CCDC68: variants seen among roughly 807,000 people sequenced by gnomAD.
CCDC68 encodes coiled-coil domain-containing protein 68.
CCDC68 carries 45 observed loss-of-function variants against 47.1 expected under a neutral mutation model. That is an observed-to-expected ratio of 0.96 (90% CI 0.75 to 1.23). The LOEUF is 1.23. Among genes scored for constraint, CCDC68 ranks in the 50% most tolerant of loss-of-function variants. CCDC68 has a pLI of 0.00. For missense variants in CCDC68, 353 were observed against 373.6 expected, an observed-to-expected ratio of 0.94 and a Z score of 0.45; for synonymous variants, 131 against 129.5, an observed-to-expected ratio of 1.01 and a Z score of -0.08.
chr18:54,952,649 C>G (rs1432054152), intron 1 of CCDC68, among the ~76,000 whole-genome samples: 1 of 152,180 alleles, frequency 6.6e-6, no homozygotes, highest in Non-Finnish European at 1.5e-5. Context: ...AACCTGCACA[C>G]AAATGTTCAT....
At chr18:54,958,774 A>G (rs2044754451) in intron 1 of CCDC68, among the ~76,000 whole-genome samples, 2 of 152,168 alleles carry the variant, frequency 1.3e-5, no homozygotes, top group African/African-American at 4.8e-5. Context: ...TTCCACATCT[A>G]AAATATCATG....
rs1913810840 is a variant in CCDC68, at chr18:54,903,670, A to G, written c.*688T>C. Reference sequence around the variant, plus strand: ...TTTGTGTGTACAGGTTACCTCTAGAAACCAATTTTTAATCCCAGAACTAAG... The same window carrying G: ...TTTGTGTGTACAGGTTACCTCTAGAGACCAATTTTTAATCCCAGAACTAAG... On this transcript the variant is annotated 3_prime_UTR_variant, in exon 12 of 12. Transcript: ENST00000591504. 2 of 152,200 alleles carry G rather than the reference A, an allele frequency of 1.3e-5. No individual in the cohort carries two copies. Among genetic ancestry groups the G allele is most frequent in the African/African-American group, 4.8e-5 (2 of 41,454 alleles). 9.4% of individuals were successfully genotyped at this position (152,200 alleles called of 1,614,324 possible).
At chr18:54,958,504 T>C (rs2044750160) in intron 1 of CCDC68, among the ~76,000 whole-genome samples, 1 of 152,164 alleles carries the variant, frequency 6.6e-6, no homozygotes, top group Non-Finnish European at 1.5e-5. Flanking sequence ...ATCCGAACTA[T>C]ATACACCAAG....
chr18:54,911,206 G>A (rs1914344579), intron 10 of CCDC68, among the ~76,000 whole-genome samples: 1 of 131,438 alleles, frequency 7.6e-6, no homozygotes, highest in South Asian at 2.7e-4. Context: ...TGCTACCACA[G>A]CTGGCCATTT....
Position 54,902,189 on chromosome 18 carries a change from T to G in CCDC68, c.*2169A>C, listed in dbSNP as rs1913725384. 6.6e-6 allele frequency: 1 copy of G among 152,222 alleles called. No homozygotes were observed. The highest frequency in any genetic ancestry group is 2.4e-5 in the African/African-American group (1 of 41,460). The allele number at this position is 152,222 out of a possible 1,614,324, so 9.4% of individuals were successfully genotyped here. A position where few individuals can be genotyped will look rare whatever the true frequency, so the allele number is the denominator to read the frequency against. ...CATAATTTCCTCACTGTTATCATTT[T>G]TGCATAGGTGGTTTCACCACTGTAT... On this transcript the variant is annotated 3_prime_UTR_variant, in exon 12 of 12. Transcript: ENST00000591504.
chr18:54,951,169 A>G (rs2044614071), intron 1 of CCDC68, among the ~76,000 whole-genome samples: 1 of 151,772 alleles, frequency 6.6e-6, no homozygotes, highest in Non-Finnish European at 1.5e-5. Context: ...CGGCCTCCCA[A>G]AGTGCTGGGA....
intron 1 of CCDC68, among the ~76,000 whole-genome samples, chr18:54,946,824 G>C (rs191139146): frequency 3.1e-4 from 44 of 142,248 alleles, no homozygotes; most frequent in African/African-American, 1.2e-3. Flanking sequence ...CTAGAGATAG[G>C]AAAATGAGTT....
chr18:54,912,684 G>A (rs1398358760), intron 10 of CCDC68, among the ~76,000 whole-genome samples: 3 of 152,042 alleles, frequency 2.0e-5, no homozygotes, highest in Non-Finnish European at 4.4e-5. Context: ...AGTCTGTACT[G>A]ACGCTGCTAA....
intron 5 of CCDC68, chr18:54,937,279 C>T: frequency 4.6e-6 from 1 of 216,194 alleles, no homozygotes; most frequent in Non-Finnish European, 9.1e-6. Context: ...CACTTATTTG[C>T]AAGCCTTTTA....
chr18:54,908,765 C>G (rs1405644206), intron 10 of CCDC68, among the ~76,000 whole-genome samples: 4 of 152,114 alleles, frequency 2.6e-5, no homozygotes, highest in Non-Finnish European at 4.4e-5. Context: ...GTCACCCAGG[C>G]TGGATACAGT....
At position 54,936,885 on chromosome 18, in the gene CCDC68, G is replaced by A. The variant is rs145708086; in HGVS notation, c.419C>T (p.Thr140Met). The change falls in exon 6 of 12, where the codon ACG becomes ATG. Residue 140 changes from threonine to methionine, a missense_variant. Coordinates refer to ENST00000591504, the MANE Select transcript of CCDC68 (RefSeq NM_025214.3). ...CTTCTTTCTCACTTCTTCAGATTGC[G>A]TTTGGTAGTTTTCAAATAATCTCTG... is the stretch of plus-strand genomic sequence containing the variant. ...VAQRLFENYQTQSEEVRKKQE... is the reference protein window; with the variant it reads ...VAQRLFENYQMQSEEVRKKQE... The A allele has an allele frequency of 1.3e-4, 207 of 1,613,928 alleles. No homozygotes were observed. The highest frequency in any genetic ancestry group is 1.6e-4 in the African/African-American group (12 of 74,888).
chr18:54,956,258 G>A (rs1056510966), intron 1 of CCDC68, among the ~76,000 whole-genome samples: 2 of 152,250 alleles, frequency 1.3e-5, no homozygotes, highest in African/African-American at 2.4e-5. Context: ...AAAATGCTGG[G>A]ATTATAGGTG....
chr18:54,911,477 G>A (rs938011223), intron 10 of CCDC68, among the ~76,000 whole-genome samples: 12 of 152,314 alleles, frequency 7.9e-5, no homozygotes, highest in African/African-American at 2.9e-4. Context: ...GATGGAGCCA[G>A]TATCTTCACA....
At position 54,941,102 on chromosome 18, in the gene CCDC68, A is replaced by C. The variant is rs755943708; in HGVS notation, c.118-19T>G. On this transcript the variant is annotated intron_variant, in intron 3 of 11. Transcript: ENST00000591504. ...TTCGAATCTAGAGAAGGAAAACAAA[A>C]CCATTTGTTTCAAAGGCATTTAATG... 1.3e-5 allele frequency: 21 copies of C among 1,579,356 alleles called. No homozygotes were observed. Among genetic ancestry groups the C allele is most frequent in the Admixed American group, 8.6e-5 (5 of 58,210 alleles).
intron 7 of CCDC68, among the ~76,000 whole-genome samples, chr18:54,931,557 T>C (rs181220155): frequency 6.6e-6 from 1 of 152,330 alleles, no homozygotes; most frequent in East Asian, 1.9e-4. Flanking sequence ...TGGAATAGTT[T>C]CTGGTTCATG....
At chr18:54,934,373 C>T (rs1757650426) in intron 7 of CCDC68, among the ~76,000 whole-genome samples, 1 of 152,080 alleles carries the variant, frequency 6.6e-6, no homozygotes, top group African/African-American at 2.4e-5. Context: ...CTAGTGCAGC[C>T]GTAGGTTTTT....
At chr18:54,947,095 T>C (rs569554084) in intron 1 of CCDC68, among the ~76,000 whole-genome samples, 3 of 152,352 alleles carry the variant, frequency 2.0e-5, no homozygotes, top group South Asian at 4.1e-4. Flanking sequence ...GAAGTCCAAA[T>C]TGCCATATGG....
intron 2 of CCDC68, among the ~76,000 whole-genome samples, chr18:54,943,984 C>T (rs529251229): frequency 1.5e-3 from 232 of 152,058 alleles, no homozygotes; most frequent in Admixed American, 4.9e-3. Flanking sequence ...GGTGGAACCC[C>T]GTCTCTACTA....
intron 8 of CCDC68, among the ~76,000 whole-genome samples, chr18:54,923,224 G>A (rs533702515): frequency 3.9e-5 from 6 of 152,186 alleles, no homozygotes; most frequent in Admixed American, 2.0e-4. Flanking sequence ...GAATATGCAC[G>A]AAATATAAAA....
Sources: gnomAD v4.1 joint callset for allele counts (sites outside exome capture counted in the v4.1 genomes callset) on GRCh38, gnomAD v4.1.1 for gene constraint, MANE v1.5 for transcripts, NCBI Gene and HGNC (gene_info 2026-07-23, HGNC 2026-07-21) for gene names.